Variants in KIF16B observed in about 807,000 individuals in gnomAD.
KIF16B encodes kinesin family member 16B, also known as kinesin-like protein KIF16B.
KIF16B carries 98 observed loss-of-function variants against 156.3 expected under a neutral mutation model. The observed-to-expected ratio is 0.63, with a 90% CI of 0.53 to 0.74. The LOEUF (loss-of-function observed/expected upper bound fraction) is 0.74. KIF16B is among the 30% of genes least tolerant of loss of function. KIF16B has a pLI of 0.00. For missense variants in KIF16B, 1,421 were observed against 1,606.5 expected, an observed-to-expected ratio of 0.88 and a Z score of 1.97; for synonymous variants, 564 against 583.7, an observed-to-expected ratio of 0.97 and a Z score of 0.49.
Position 16,273,244 on chromosome 20 carries a change from C to A in KIF16B, c.*9G>T, listed in dbSNP as rs753983262. The A allele has an allele frequency of 1.2e-6, 2 of 1,613,224 alleles. No individual in the cohort carries two copies. Among genetic ancestry groups the A allele is most frequent in the East Asian group, 2.2e-5 (1 of 44,872 alleles). The stretch of plus-strand genomic sequence containing the variant: ...CACTGCTGTGGTGGTTCCTCCATCA[C>A]CCCTGGCTCTACCCCGTCCCGTGGC... On this transcript the variant is annotated 3_prime_UTR_variant, in exon 26 of 26. Coordinates refer to ENST00000354981, the MANE Select transcript of KIF16B (RefSeq NM_024704.5).
chr20:16,570,868 C>A lies in KIF16B; in HGVS notation c.47+2361G>T, dbSNP rs553584432. 2.0e-5 allele frequency among the ~76,000 whole-genome samples: 3 copies of A among 152,262 alleles called. No individual in the cohort carries two copies. The East Asian group carries it at 5.8e-4, about 29-fold the overall frequency. The stretch of plus-strand genomic sequence containing the variant: ...GAGGGGCATATCCCAATGTCCAATC[C>A]CTGGCTCCCTTTTCTTCTCACGTAA... On this transcript the variant is annotated intron_variant, in intron 1 of 25. Coordinates refer to ENST00000354981, the MANE Select transcript of KIF16B (RefSeq NM_024704.5).
chr20:16,441,496 T>C (rs8122535), intron 12 of KIF16B, among the ~76,000 whole-genome samples: 10,376 of 152,236 alleles, frequency 0.068, 1,088 homozygotes, highest in African/African-American at 0.22. Context: ...TTTACATTCA[T>C]GCACTGCTTG....
intron 15 of KIF16B, among the ~76,000 whole-genome samples, chr20:16,413,595 A>G (rs1176173213): frequency 6.6e-6 from 1 of 152,098 alleles, no homozygotes; most frequent in Admixed American, 6.6e-5. Context: ...CTGTGTTCCC[A>G]CAAGTGTGTG....
intron 19 of KIF16B, among the ~76,000 whole-genome samples, chr20:16,374,759 A>G (rs1032011938): frequency 6.6e-6 from 1 of 152,242 alleles, no homozygotes; most frequent in Non-Finnish European, 1.5e-5. Context: ...TGGACTACAC[A>G]TCAGGGTTCT....
chr20:16,435,304 G>A (rs1404694712), intron 12 of KIF16B, among the ~76,000 whole-genome samples: 2 of 152,184 alleles, frequency 1.3e-5, no homozygotes, highest in African/African-American at 4.8e-5. Context: ...GTGCATGTTG[G>A]GCAGTATGGT....
intron 22 of KIF16B, among the ~76,000 whole-genome samples, chr20:16,364,423 T>G (rs2064615466): frequency 6.6e-6 from 1 of 152,246 alleles, no homozygotes; most frequent in South Asian, 2.1e-4. Flanking sequence ...TATTTTTTTC[T>G]GATTCAGAAA....
At chr20:16,534,725 C>T (rs2069889310) in intron 1 of KIF16B, among the ~76,000 whole-genome samples, 2 of 152,112 alleles carry the variant, frequency 1.3e-5, no homozygotes, top group Admixed American at 1.3e-4. Context: ...CTTTCCTCTG[C>T]ATATTCTTAT....
chr20:16,280,908 C>G (rs2063138313), intron 25 of KIF16B, among the ~76,000 whole-genome samples: 1 of 149,790 alleles, frequency 6.7e-6, no homozygotes, highest in Non-Finnish European at 1.5e-5. Flanking sequence ...CCTTCAGATG[C>G]CTTTGAAAGA....
At chr20:16,494,939 C>T (rs1231865599) in intron 11 of KIF16B, among the ~76,000 whole-genome samples, 1 of 152,162 alleles carries the variant, frequency 6.6e-6, no homozygotes, top group African/African-American at 2.4e-5. Flanking sequence ...CCAGTTGGCT[C>T]TAACTTAGGG....
intron 25 of KIF16B, among the ~76,000 whole-genome samples, chr20:16,276,956 A>G (rs2063070702): frequency 6.6e-6 from 1 of 152,224 alleles, no homozygotes; most frequent in Admixed American, 6.5e-5. Flanking sequence ...CTATGCCATC[A>G]GCATCTAGAT....
At chr20:16,414,701 T>C (rs1161110326) in intron 15 of KIF16B, among the ~76,000 whole-genome samples, 1 of 152,104 alleles carries the variant, frequency 6.6e-6, no homozygotes, top group Non-Finnish European at 1.5e-5. Context: ...TCCAGTCCCA[T>C]ACCCAAAGAC....
At chr20:16,319,646 C>A (rs954284732) in intron 24 of KIF16B, among the ~76,000 whole-genome samples, 1 of 152,162 alleles carries the variant, frequency 6.6e-6, no homozygotes, top group Non-Finnish European at 1.5e-5. Flanking sequence ...ATTCCAGAAT[C>A]TCTGGAGGCT....
intron 24 of KIF16B, among the ~76,000 whole-genome samples, chr20:16,319,708 G>C (rs2328015): frequency 0.29 from 43,610 of 152,088 alleles, 6,625 homozygotes; most frequent in East Asian, 0.59. Context: ...CCAGTCTTGA[G>C]GAAGGTCTCC....
intron 12 of KIF16B, among the ~76,000 whole-genome samples, chr20:16,445,284 A>T (rs2066902904): frequency 6.6e-6 from 1 of 152,184 alleles, no homozygotes; most frequent in Non-Finnish European, 1.5e-5. Context: ...AAAGAAATCT[A>T]TAATAAATGC....
intron 15 of KIF16B, among the ~76,000 whole-genome samples, chr20:16,407,033 C>T (rs186994549): frequency 6.6e-6 from 1 of 152,302 alleles, no homozygotes; most frequent in East Asian, 1.9e-4. Context: ...TATTAAAATT[C>T]CACATTAGAC....
In KIF16B at chr20:16,374,427, A is replaced by T; in HGVS notation, c.3198-18T>A. 6.6e-7 allele frequency: 1 copy of T among 1,505,182 alleles called. No homozygotes were observed. The highest frequency in any genetic ancestry group is 8.9e-7 in the Non-Finnish European group (1 of 1,118,440). The allele number at this position is 1,505,182 out of a possible 1,614,324, so 93.2% of individuals were successfully genotyped here. A position where few individuals can be genotyped will look rare whatever the true frequency, so the allele number is the denominator to read the frequency against. On this transcript the variant is annotated intron_variant, in intron 19 of 25. Transcript: ENST00000354981. ...ATTCTAACCTACACAGATAGGAGCC[A>T]CATAATTCATTCATTAATAGTATTT...
At chr20:16,537,677 T>G (rs1000953833) in intron 1 of KIF16B, among the ~76,000 whole-genome samples, 3 of 151,224 alleles carry the variant, frequency 2.0e-5, no homozygotes, top group African/African-American at 2.4e-5. Context: ...CCCACCCACA[T>G]GTTCTTTTTC....
intron 25 of KIF16B, among the ~76,000 whole-genome samples, chr20:16,276,521 G>C (rs762859968): frequency 2.6e-5 from 4 of 152,124 alleles, no homozygotes; most frequent in Non-Finnish European, 4.4e-5. Flanking sequence ...GGCAGCTTTC[G>C]CCTCCTTTAC....
In KIF16B at chr20:16,362,570, AT is replaced by A. The variant is rs1250341055; in HGVS notation, c.3499-6119del. On this transcript the variant is annotated intron_variant, in intron 22 of 25. Transcript: ENST00000354981. ...CTAGCATAGTCATTCCTATAAAAAA[AT>A]CAATAAAAAATTTTACCAATGTCAA... is the stretch of plus-strand genomic sequence containing the variant. Among the ~76,000 whole-genome samples the A allele has an allele frequency of 7.2e-5, 11 of 152,372 alleles. No homozygotes were observed. The East Asian group carries it at 9.6e-4, about 13-fold the overall frequency.
Sources: gnomAD v4.1 joint callset for allele counts (sites outside exome capture counted in the v4.1 genomes callset) on GRCh38, gnomAD v4.1.1 for gene constraint, MANE v1.5 for transcripts, NCBI Gene and HGNC (gene_info 2026-07-23, HGNC 2026-07-21) for gene names.